Variants in EDIL3 observed in about 807,000 individuals in gnomAD.
EDIL3 encodes the protein EGF like and discoidin domains 3, also known as EGF-like repeat and discoidin I-like domain-containing protein 3.
In EDIL3, 37 loss-of-function variants were observed where a neutral mutation model predicts 67.4. The observed-to-expected ratio is 0.55, with a 90% CI of 0.42 to 0.72. The LOEUF is 0.72. Among genes scored for constraint, EDIL3 ranks in the 30% least tolerant of loss-of-function variants. The pLI, the probability that EDIL3 is intolerant of heterozygous loss-of-function variation, is 0.00. For missense variants in EDIL3, 527 were observed against 586.3 expected, an observed-to-expected ratio of 0.90 and a Z score of 1.04; for synonymous variants, 195 against 196.3, an observed-to-expected ratio of 0.99 and a Z score of 0.05.
At chr5:84,368,884 T>C (rs1410655415) in intron 1 of EDIL3, among the ~76,000 whole-genome samples, 1 of 152,036 alleles carries the variant, frequency 6.6e-6, no homozygotes, top group East Asian at 1.9e-4. Flanking sequence ...TCAACATCAC[T>C]AATAGTTGGG....
chr5:84,037,088 T>C (rs1746035399), intron 9 of EDIL3, among the ~76,000 whole-genome samples: 1 of 152,150 alleles, frequency 6.6e-6, no homozygotes, highest in Admixed American at 6.5e-5. Flanking sequence ...CATCCTGGGC[T>C]GCACTCATCA....
chr5:84,195,259 G>T (rs1007841769), intron 3 of EDIL3, among the ~76,000 whole-genome samples: 2 of 151,876 alleles, frequency 1.3e-5, no homozygotes, highest in African/African-American at 4.8e-5. Flanking sequence ...GAAGTCTTTT[G>T]TCAATAAATA....
At chr5:84,246,390 C>T (rs376166540) in intron 2 of EDIL3, among the ~76,000 whole-genome samples, 26 of 152,262 alleles carry the variant, frequency 1.7e-4, no homozygotes, top group African/African-American at 3.4e-4. Flanking sequence ...TGACTGCAGA[C>T]GCAGATATGA....
At chr5:84,300,861 G>A (rs1402303214) in intron 1 of EDIL3, among the ~76,000 whole-genome samples, 1 of 151,950 alleles carries the variant, frequency 6.6e-6, no homozygotes, top group African/African-American at 2.4e-5. Flanking sequence ...TCATTAAGTG[G>A]TAGAAGCTAA....
intron 9 of EDIL3, among the ~76,000 whole-genome samples, chr5:84,049,943 T>C (rs1746299341): frequency 6.6e-6 from 1 of 152,092 alleles, no homozygotes. Context: ...CTCACGCCTG[T>C]AATCCCAGCA....
At chr5:84,296,242 A>T (rs915505868) in intron 1 of EDIL3, among the ~76,000 whole-genome samples, 1 of 152,070 alleles carries the variant, frequency 6.6e-6, no homozygotes, top group East Asian at 1.9e-4. Context: ...TTCCTGTTCT[A>T]TGTAGTACTT....
intron 2 of EDIL3, among the ~76,000 whole-genome samples, chr5:84,252,927 C>T (rs1372683020): frequency 6.6e-6 from 1 of 151,914 alleles, no homozygotes; most frequent in Non-Finnish European, 1.5e-5. Context: ...AACAAAGTAC[C>T]TTTCAGCAAT....
chr5:84,257,553 G>T (rs1745144032), intron 1 of EDIL3, among the ~76,000 whole-genome samples: 1 of 152,116 alleles, frequency 6.6e-6, no homozygotes, highest in Admixed American at 6.5e-5. Context: ...ATTGATCCAG[G>T]GGTTGAGGAA....
intron 1 of EDIL3, among the ~76,000 whole-genome samples, chr5:84,342,419 G>T (rs1747134631): frequency 6.6e-6 from 1 of 151,970 alleles, no homozygotes; most frequent in South Asian, 2.1e-4. Flanking sequence ...TCAGAAAGGT[G>T]GGGGGAATGG....
intron 9 of EDIL3, among the ~76,000 whole-genome samples, chr5:84,050,519 G>A (rs1008390182): frequency 2.6e-5 from 4 of 152,312 alleles, no homozygotes; most frequent in African/African-American, 7.2e-5. Flanking sequence ...GCGAGGCATC[G>A]CCTCACCTGG....
rs188875041 is a variant in EDIL3 at position 83,962,556 on chromosome 5, T to C, written c.1293+649A>G. Among the ~76,000 whole-genome samples the C allele has an allele frequency of 3.7e-3, 564 of 151,644 alleles. 1 individual carries two copies. The highest frequency in any genetic ancestry group is 6.8e-3 in the Non-Finnish European group (458 of 67,640). On this transcript the variant is annotated intron_variant, in intron 10 of 10. Transcript: ENST00000296591. Reference sequence around the variant, plus strand: ...AAGATAAAAATTGTATGGCATTGATTTGTACAGTGTGTGTGTATAGAGGTA... The same window carrying C: ...AAGATAAAAATTGTATGGCATTGATCTGTACAGTGTGTGTGTATAGAGGTA...
At chr5:84,152,291 T>C (rs1240014979) in intron 4 of EDIL3, among the ~76,000 whole-genome samples, 1 of 152,256 alleles carries the variant, frequency 6.6e-6, no homozygotes, top group Admixed American at 6.5e-5. Flanking sequence ...TTTTCATTAT[T>C]AATTTCTTTT....
In EDIL3 at chr5:83,940,703, A is replaced by C. The variant is rs1312757086; in HGVS notation, c.*2716T>G. On this transcript the variant is annotated 3_prime_UTR_variant, in exon 11 of 11. Coordinates refer to ENST00000296591, the MANE Select transcript of EDIL3 (RefSeq NM_005711.5). ...ATACAAAGAAAAAAACAACATTGGA[A>C]TATTACACAGCTTGAAGGTTTGCAA... is the stretch of plus-strand genomic sequence containing the variant. 2.6e-5 allele frequency: 4 copies of C among 152,014 alleles called. No homozygotes were observed. Among genetic ancestry groups the C allele is most frequent in the Non-Finnish European group, 5.9e-5 (4 of 67,908 alleles). 9.4% of individuals were successfully genotyped at this position (152,014 alleles called of 1,614,324 possible).
chr5:83,990,945 G>GCAGAT (rs1177053506), intron 9 of EDIL3, among the ~76,000 whole-genome samples: 1 of 151,838 alleles, frequency 6.6e-6, no homozygotes, highest in African/African-American at 2.4e-5. Context: ...AGAGTTAAGT[G>GCAGAT]CAGAGCACAG....
At chr5:84,272,146 G>A (rs1257835264) in intron 1 of EDIL3, among the ~76,000 whole-genome samples, 4 of 152,166 alleles carry the variant, frequency 2.6e-5, no homozygotes, top group African/African-American at 9.6e-5. Flanking sequence ...TTAATGTGAA[G>A]AAGGAAATAT....
At chr5:83,943,710 C>T (rs1744265094) in intron 10 of EDIL3, 142 bp from the exon 11 acceptor site, 1 of 880,946 alleles carries the variant, frequency 1.1e-6, no homozygotes. Flanking sequence ...ATTGCAGCTT[C>T]TTTTTAATAA....
chr5:84,073,072 G>C (rs1392526317), intron 6 of EDIL3, among the ~76,000 whole-genome samples: 1 of 151,922 alleles, frequency 6.6e-6, no homozygotes, highest in Non-Finnish European at 1.5e-5. Flanking sequence ...TTCTTAAAAA[G>C]TAAACAGAAC....
intron 3 of EDIL3, among the ~76,000 whole-genome samples, chr5:84,211,239 G>C (rs558692784): frequency 5.8e-4 from 89 of 152,282 alleles, no homozygotes; most frequent in African/African-American, 2.0e-3. Context: ...GCAGGAGTGA[G>C]TCCTCACTAT....
intron 1 of EDIL3, among the ~76,000 whole-genome samples, chr5:84,366,835 C>T (rs1747745880): frequency 6.6e-6 from 1 of 152,152 alleles, no homozygotes; most frequent in African/African-American, 2.4e-5. Context: ...AAAAGCTCCC[C>T]AAGTAATTCT....
Sources: gnomAD v4.1 joint callset for allele counts (sites outside exome capture counted in the v4.1 genomes callset) on GRCh38, gnomAD v4.1.1 for gene constraint, MANE v1.5 for transcripts, NCBI Gene and HGNC (gene_info 2026-07-23, HGNC 2026-07-21) for gene names.